KCNK2: variants seen among roughly 807,000 people sequenced by gnomAD.
The protein encoded by KCNK2 is potassium channel subfamily K member 2.
KCNK2 carries 21 observed loss-of-function variants against 40.5 expected under a neutral mutation model. The observed-to-expected ratio is 0.52, with a 90% confidence interval of 0.37 to 0.75. The LOEUF (loss-of-function observed/expected upper bound fraction) is 0.75, where lower values mean the gene tolerates loss of function less well. Ranked by LOEUF, KCNK2 falls within the 30% of genes least tolerant of loss-of-function variation. KCNK2 has a pLI of 0.00. For missense variants in KCNK2, 399 were observed against 531.6 expected (o/e 0.75, Z 2.45); for synonymous variants, 191 against 202.2 (o/e 0.94, Z 0.47).
chr1:215,113,359 T>C (rs1379081527), intron 2 of KCNK2, among the ~76,000 whole-genome samples: 1 of 152,136 alleles, frequency 6.6e-6, no homozygotes, highest in Non-Finnish European at 1.5e-5. Context: ...GACCTGAACC[T>C]GGCTTGCCAA....
intron 3 of KCNK2, among the ~76,000 whole-genome samples, chr1:215,142,354 AC>A: frequency 6.6e-6 from 1 of 152,272 alleles, no homozygotes; most frequent in Non-Finnish European, 1.5e-5. Flanking sequence ...TTTTCATGGA[AC>A]AACTTCTACA....
At chr1:215,222,150 A>T (rs1666205025) in intron 6 of KCNK2, among the ~76,000 whole-genome samples, 1 of 152,150 alleles carries the variant, frequency 6.6e-6, no homozygotes, top group Non-Finnish European at 1.5e-5. Flanking sequence ...CCATGACCCC[A>T]TGACCCAAAC....
At position 215,236,991 on chromosome 1, in the gene KCNK2, A is replaced by T. The variant is rs1204228348; in HGVS notation, c.*1846A>T. The T allele has an allele frequency of 6.6e-6, 1 of 152,602 alleles. No homozygotes were observed. Among genetic ancestry groups the T allele is most frequent in the Non-Finnish European group, 1.5e-5 (1 of 68,026 alleles). The allele number at this position is 152,602 out of a possible 1,614,324, so 9.5% of individuals were successfully genotyped here. The stretch of plus-strand genomic sequence containing the variant: ...CAGGCTCTTTTAGAAAGAAAGCTAC[A>T]CCCATTTCCTCAAATAACTGTTCCG... On this transcript the variant is annotated 3_prime_UTR_variant, in exon 7 of 7. Transcript: ENST00000444842.
chr1:215,009,921 A>G (rs1015662323), intron 1 of KCNK2, among the ~76,000 whole-genome samples: 1 of 152,194 alleles, frequency 6.6e-6, no homozygotes, highest in South Asian at 2.1e-4. Context: ...AAAGGAGTCA[A>G]TTACAAATGT....
intron 3 of KCNK2, among the ~76,000 whole-genome samples, chr1:215,167,983 T>TAATA (rs1663522914): frequency 6.6e-6 from 1 of 151,974 alleles, no homozygotes; most frequent in African/African-American, 2.4e-5. Context: ...CTAACAAGTC[T>TAATA]AATATCCAGA....
chr1:215,059,265 A>T (rs1658286488), intron 1 of KCNK2, among the ~76,000 whole-genome samples: 2 of 152,060 alleles, frequency 1.3e-5, no homozygotes, highest in South Asian at 4.1e-4. Flanking sequence ...GTGCCAAGAG[A>T]TGTGTGCAGC....
chr1:215,193,731 G>A (rs898375693), intron 5 of KCNK2, among the ~76,000 whole-genome samples: 15 of 152,012 alleles, frequency 9.9e-5, no homozygotes, highest in Admixed American at 2.6e-4. Flanking sequence ...CTTATCTCCC[G>A]AGAGACTTTT....
chr1:215,072,104 G>A (rs941502682), intron 1 of KCNK2, among the ~76,000 whole-genome samples: 4 of 152,168 alleles, frequency 2.6e-5, no homozygotes, highest in African/African-American at 9.7e-5. Context: ...GGCCCTGCAT[G>A]ACTGCTGTTG....
chr1:215,023,899 C>CTTGCTGCCTTTAATG (rs1446106806), intron 1 of KCNK2, among the ~76,000 whole-genome samples: 1 of 152,156 alleles, frequency 6.6e-6, no homozygotes, highest in Non-Finnish European at 1.5e-5. Flanking sequence ...TCCACTTCAC[C>CTTGCTGCCTTTAATG]TTGCTGCCTT....
At chr1:215,063,191 G>A (rs1442350784) in intron 1 of KCNK2, among the ~76,000 whole-genome samples, 2 of 152,192 alleles carry the variant, frequency 1.3e-5, no homozygotes, top group African/African-American at 4.8e-5. Context: ...TACTGCAGCA[G>A]CAAGACAGAA....
At chr1:215,124,547 A>G (rs964017892) in intron 2 of KCNK2, 86 bp from the exon 3 acceptor site, 5 of 808,802 alleles carry the variant, frequency 6.2e-6, no homozygotes, top group Admixed American at 3.8e-5. Context: ...TCTTTGTCAA[A>G]TAAGTCATTT....
intron 5 of KCNK2, among the ~76,000 whole-genome samples, chr1:215,188,136 A>T (rs536417084): frequency 2.1e-4 from 32 of 152,294 alleles, no homozygotes; most frequent in African/African-American, 7.5e-4. Context: ...TGGAATTCTG[A>T]TCAGTGAAAT....
intron 1 of KCNK2, among the ~76,000 whole-genome samples, chr1:215,012,646 G>GTT (rs34028242): frequency 2.4e-4 from 29 of 121,736 alleles, no homozygotes; most frequent in Non-Finnish European, 4.4e-4. Context: ...TAATTTTTTA[G>GTT]TTTTTTTTTT....
intron 3 of KCNK2, among the ~76,000 whole-genome samples, chr1:215,156,545 C>G (rs1374973699): frequency 6.6e-6 from 1 of 152,148 alleles, no homozygotes; most frequent in South Asian, 2.1e-4. Context: ...ATCTAAATTA[C>G]AGAGCTTGCC....
intron 3 of KCNK2, among the ~76,000 whole-genome samples, chr1:215,164,429 G>A: frequency 6.6e-6 from 1 of 152,012 alleles, no homozygotes; most frequent in East Asian, 1.9e-4. Context: ...GTTCTGCTCT[G>A]ATCTTAGTTA....
At chr1:215,133,837 T>G (rs1661778551) in intron 3 of KCNK2, among the ~76,000 whole-genome samples, 1 of 152,194 alleles carries the variant, frequency 6.6e-6, no homozygotes, top group South Asian at 2.1e-4. Flanking sequence ...CAGCCAACTC[T>G]TGGTTCTAAC....
chr1:215,053,726 C>T (rs1658064509), intron 1 of KCNK2, among the ~76,000 whole-genome samples: 1 of 152,092 alleles, frequency 6.6e-6, no homozygotes, highest in African/African-American at 2.4e-5. Context: ...CAGTACAATC[C>T]CTGGCCGAGG....
rs1489328577 is a variant in KCNK2 at position 215,235,548 on chromosome 1, GACA to G, written c.*408_*410del. ...GCCTAGATATGGACCATTTATGGAT[GACA>G]ACAATTTTTTTTTTGTAAATGACAA... On this transcript the variant is annotated 3_prime_UTR_variant, in exon 7 of 7. Coordinates refer to ENST00000444842, the MANE Select transcript of KCNK2 (RefSeq NM_001017425.3). 1 of 154,304 alleles carries G rather than the reference GACA, an allele frequency of 6.5e-6. No homozygotes were observed. Among genetic ancestry groups the G allele is most frequent in the African/African-American group, 2.4e-5 (1 of 41,360 alleles). The allele number at this position is 154,304 out of a possible 1,614,324, so 9.6% of individuals were successfully genotyped here.
chr1:215,159,828 A>G (rs1245455186), intron 3 of KCNK2, among the ~76,000 whole-genome samples: 1 of 152,212 alleles, frequency 6.6e-6, no homozygotes, highest in Non-Finnish European at 1.5e-5. Flanking sequence ...AAGTTCTCAA[A>G]GTCAATATCA....
Sources: gnomAD v4.1 joint callset for allele counts (sites outside exome capture counted in the v4.1 genomes callset) on GRCh38, gnomAD v4.1.1 for gene constraint, MANE v1.5 for transcripts, NCBI Gene and HGNC (gene_info 2026-07-23, HGNC 2026-07-21) for gene names.